The following STAC2 variants were observed in gnomAD, a reference collection of about 807,000 sequenced individuals.
The protein encoded by STAC2 is SH3 and cysteine-rich domain-containing protein 2.
In STAC2, 36 loss-of-function variants were observed where a neutral mutation model predicts 49.0. The ratio of observed to expected loss-of-function variants is 0.74; its 90% CI spans 0.56 to 0.97. The LOEUF is 0.97. Among genes scored for constraint, STAC2 ranks in the 50% least tolerant of loss-of-function variants. The pLI is 0.00. For synonymous variants in STAC2, 239 were observed against 214.7 expected (o/e 1.11, Z -0.99); for missense variants, 527 against 543.8 (o/e 0.97, Z 0.31).
rs945485203 is a variant in STAC2, at chr17:39,211,927, G to A, written c.*365C>T. 9 of 211,430 alleles carry A rather than the reference G, an allele frequency of 4.3e-5. No homozygotes were observed. The highest frequency in any genetic ancestry group is 1.4e-4 in the African/African-American group (6 of 43,018). 13.1% of individuals were successfully genotyped at this position (211,430 alleles called of 1,614,324 possible). On this transcript the variant is annotated 3_prime_UTR_variant, in exon 11 of 11. Transcript: ENST00000333461. ...GGTGTGCCAGGCATGCGCAGGTGGT[G>A]TGGGCAGGGGAAGGCTGGGAGAAGC...
chr17:39,217,207 C>G (rs751702405), intron 2 of STAC2, 34 bp from the exon 3 acceptor site: 19 of 1,599,768 alleles, frequency 1.2e-5, no homozygotes, highest in Non-Finnish European at 1.5e-5. Flanking sequence ...ATTGAGGACA[C>G]CCCCGTGGGC....
At chr17:39,223,991 G>A (rs1021379494) in intron 1 of STAC2, among the ~76,000 whole-genome samples, 1 of 152,164 alleles carries the variant, frequency 6.6e-6, no homozygotes, top group Non-Finnish European at 1.5e-5. Flanking sequence ...TTAGAAGGGG[G>A]CAAGAGAGAG....
intron 6 of STAC2, 32 bp downstream of exon 6, chr17:39,214,919 C>CA: frequency 1.2e-6 from 2 of 1,613,970 alleles, no homozygotes; most frequent in Non-Finnish European, 1.7e-6. Context: ...CATTGTACCC[C>CA]ATTCCTGCCC....
intron 1 of STAC2, among the ~76,000 whole-genome samples, chr17:39,219,173 C>G (rs1202123498): frequency 6.6e-6 from 1 of 152,128 alleles, no homozygotes; most frequent in Non-Finnish European, 1.5e-5. Flanking sequence ...GCCCCAGCCA[C>G]GAGACTCTCC....
At chr17:39,217,815 C>G in intron 2 of STAC2, 52 bp downstream of exon 2, 3 of 1,547,082 alleles carry the variant, frequency 1.9e-6, no homozygotes, top group Non-Finnish European at 2.6e-6. Flanking sequence ...GCCCACTCCC[C>G]AGTACCCACG....
intron 1 of STAC2, among the ~76,000 whole-genome samples, chr17:39,219,044 G>T (rs1238039271): frequency 1.3e-5 from 2 of 152,026 alleles, no homozygotes; most frequent in East Asian, 3.9e-4. Context: ...CTGCTTCAAG[G>T]CCACAGCCTC....
intron 8 of STAC2, among the ~76,000 whole-genome samples, 196 bp from the exon 9 acceptor site, chr17:39,213,754 G>T (rs1469717792): frequency 6.8e-6 from 1 of 148,050 alleles, no homozygotes. Context: ...TTGGCTCACT[G>T]CAACCTCCAC....
intron 1 of STAC2, among the ~76,000 whole-genome samples, chr17:39,223,943 G>A (rs527542708): frequency 3.9e-5 from 6 of 152,236 alleles, no homozygotes; most frequent in Middle Eastern, 3.4e-3. Flanking sequence ...CTCTCTAAAG[G>A]GGAGTCAGCT....
chr17:39,214,307 C>T lies in STAC2; in HGVS notation c.867G>A (p.Lys289=). ...CGTAGGAGTACATGGGCCCCACATC[C>T]TTCCGCAGGGTGGCTTTGGGGAGCT... ...GQQLPKATLR[K]DVGPMYSYVA... The change falls in exon 8 of 11, where the codon AAG becomes AAA. Residue 289 remains lysine, a synonymous_variant. Transcript: ENST00000333461. 6.2e-7 allele frequency: 1 copy of T among 1,614,084 alleles called. No homozygotes were observed. The highest frequency in any genetic ancestry group is 8.5e-7 in the Non-Finnish European group (1 of 1,179,962).
chr17:39,215,120 G>C lies in STAC2; in HGVS notation c.697C>G (p.Leu233Val). Residue 233 changes from leucine (L) to valine (V), a missense_variant and splice_region_variant, in exon 5 of 11, where the codon CTG becomes GTG. Leu to Val is a conservative substitution (Grantham distance 32). Transcript: ENST00000333461. Reference sequence around the variant, plus strand: ...CCCCCCCTTTTTGCCCACCATACCAGGCTCCTTGTCGGGGACTCAGAGGTG... The same window carrying C: ...CCCCCCCTTTTTGCCCACCATACCACGCTCCTTGTCGGGGACTCAGAGGTG... ...SSTSESPTRS[L>V]SERDELTEDG... 1 of 1,613,928 alleles carries C rather than the reference G, an allele frequency of 6.2e-7. No individual in the cohort carries two copies. Among genetic ancestry groups the C allele is most frequent in the Non-Finnish European group, 8.5e-7 (1 of 1,179,990 alleles).
chr17:39,218,919 C>T (rs1313794661), intron 1 of STAC2, among the ~76,000 whole-genome samples: 1 of 152,018 alleles, frequency 6.6e-6, no homozygotes, highest in African/African-American at 2.4e-5. Flanking sequence ...GAGTGGTCGT[C>T]CTGGACCCTC....
intron 1 of STAC2, among the ~76,000 whole-genome samples, chr17:39,224,385 C>A (rs555287948): frequency 6.6e-6 from 1 of 152,276 alleles, no homozygotes; most frequent in South Asian, 2.1e-4. Context: ...CTTGGCACAG[C>A]CCTTTCTATC....
At chr17:39,216,671 T>G in intron 4 of STAC2, 139 bp downstream of exon 4, 2 of 719,956 alleles carry the variant, frequency 2.8e-6, no homozygotes, top group Non-Finnish European at 4.5e-6. Context: ...GGCGTGATCT[T>G]GGCTCACTGC....
In STAC2 at chr17:39,213,567, G is replaced by A. The variant is rs1426903653; in HGVS notation, c.942-9C>T. 1 of 1,613,652 alleles carries A rather than the reference G, an allele frequency of 6.2e-7. No homozygotes were observed. Among genetic ancestry groups the A allele is most frequent in the Non-Finnish European group, 8.5e-7 (1 of 1,179,746 alleles). ...TGATCCGATCTCCAGGCCTGGGGAGGACAGAGCTAGGGTTGCATATGGAGC... is the reference window on the plus strand; with the variant it reads ...TGATCCGATCTCCAGGCCTGGGGAGAACAGAGCTAGGGTTGCATATGGAGC... On this transcript the variant is annotated splice_polypyrimidine_tract_variant and intron_variant, in intron 8 of 10. Coordinates refer to ENST00000333461, the MANE Select transcript of STAC2 (RefSeq NM_198993.5).
At chr17:39,223,987 G>A (rs1037375411) in intron 1 of STAC2, among the ~76,000 whole-genome samples, 1 of 152,174 alleles carries the variant, frequency 6.6e-6, no homozygotes, top group African/African-American at 2.4e-5. Context: ...ATTTTTAGAA[G>A]GGGGCAAGAG....
chr17:39,212,884 C>G (rs1191536509), intron 10 of STAC2, 111 bp downstream of exon 10: 6 of 1,501,954 alleles, frequency 4.0e-6, no homozygotes, highest in Non-Finnish European at 5.3e-6. Flanking sequence ...TTCCCCTCAA[C>G]TGCCAAGATC....
Position 39,219,313 on chromosome 17 carries a change from A to T in STAC2, c.91-1140T>A, listed in dbSNP as rs535049510. Among the ~76,000 whole-genome samples the T allele has an allele frequency of 1.1e-4, 16 of 152,144 alleles. No individual in the cohort carries two copies. In the South Asian group the frequency reaches 3.3e-3, roughly 32 times the overall value. ...ATGCTTTTATGCCTCTGAGCTTTTG[A>T]CATGTTTGTCCTCTTCTCTGCCTCA... is the stretch of plus-strand genomic sequence containing the variant. On this transcript the variant is annotated intron_variant, in intron 1 of 10. Transcript: ENST00000333461.
At chr17:39,224,440 C>G (rs1485203148) in intron 1 of STAC2, among the ~76,000 whole-genome samples, 1 of 152,184 alleles carries the variant, frequency 6.6e-6, no homozygotes, top group Non-Finnish European at 1.5e-5. Context: ...AACAGAACTT[C>G]TCGCGGGCCA....
intron 2 of STAC2, among the ~76,000 whole-genome samples, chr17:39,217,455 G>T (rs1048159879): frequency 1.4e-4 from 21 of 152,150 alleles, no homozygotes; most frequent in African/African-American, 3.9e-4. Context: ...TGGGTGCAAT[G>T]GCTCACATCT....
Sources: allele counts gnomAD v4.1 joint callset (sites outside exome capture counted in the v4.1 genomes callset), GRCh38; gene constraint gnomAD v4.1.1; transcripts MANE v1.5; gene names NCBI Gene and HGNC (gene_info 2026-07-23, HGNC 2026-07-21).